Variants in HHLA1 observed in about 807,000 individuals in gnomAD.
HHLA1 encodes HHLA1 neighbor of OC90.
Under a neutral mutation model 69.9 loss-of-function variants are expected in HHLA1, and 72 were observed. That is an observed-to-expected ratio of 1.03 (90% CI 0.85 to 1.25). HHLA1 has a LOEUF of 1.25. HHLA1 is among the 50% of genes most tolerant of loss of function. The probability of loss-of-function intolerance (pLI) is 0.00; values close to 1 mark genes in which losing one functional copy is unlikely to be tolerated. For missense variants in HHLA1, 685 were observed against 642.2 expected (o/e 1.07, Z -0.72); for synonymous variants, 252 against 233.2 (o/e 1.08, Z -0.73).
At chr8:132,100,951 G>A (rs1017427194) in intron 3 of HHLA1, among the ~76,000 whole-genome samples, 2 of 152,162 alleles carry the variant, frequency 1.3e-5, no homozygotes, top group African/African-American at 4.8e-5. Flanking sequence ...GTTATACCTG[G>A]ATGGAGAAGG....
intron 7 of HHLA1, among the ~76,000 whole-genome samples, chr8:132,092,872 A>C (rs4736403): frequency 7.2e-5 from 11 of 152,146 alleles, no homozygotes; most frequent in African/African-American, 2.7e-4. Flanking sequence ...AGGCTATGAG[A>C]ACACAGATCA....
At chr8:132,101,109 C>A in intron 3 of HHLA1, 2 of 1,455,086 alleles carry the variant, frequency 1.4e-6, no homozygotes, top group Non-Finnish European at 1.8e-6. Context: ...CAATAGGTAC[C>A]AGCAGGATGG....
rs1046612283 is a variant in HHLA1, at chr8:132,079,931, G to T, written c.712C>A (p.Pro238Thr). The T allele has an allele frequency of 3.9e-6, 6 of 1,552,212 alleles. No individual in the cohort carries two copies. The highest frequency in any genetic ancestry group is 3.5e-6 in the Non-Finnish European group (4 of 1,147,132). The change falls in exon 11 of 17, where the codon CCC becomes ACC. Residue 238 changes from proline to threonine, a missense_variant. Physicochemically the swap from Pro to Thr is conservative, Grantham distance 38. Coordinates refer to ENST00000414222, the MANE Select transcript of HHLA1 (RefSeq NM_001145095.3). Reference protein sequence around the residue: ...ATRGTARTSKPTTKSQKTLPS... With the variant: ...ATRGTARTSKTTTKSQKTLPS... The stretch of plus-strand genomic sequence containing the variant: ...AGTGTTTTCTGGCTTTTGGTTGTGG[G>T]CTTTGAAGTCCTGGCAGTTCCCCTG...
intron 4 of HHLA1, among the ~76,000 whole-genome samples, chr8:132,099,858 A>G (rs1038525052): frequency 2.6e-5 from 4 of 152,226 alleles, no homozygotes; most frequent in African/African-American, 9.7e-5. Flanking sequence ...CCATCTAAAA[A>G]AAAAAAAAGA....
At chr8:132,108,117 C>A (rs1470898724) in intron 1 of HHLA1, among the ~76,000 whole-genome samples, 1 of 152,180 alleles carries the variant, frequency 6.6e-6, no homozygotes, top group Non-Finnish European at 1.5e-5. Flanking sequence ...TGGAGGACTG[C>A]CTAGGTTTAT....
intron 14 of HHLA1, among the ~76,000 whole-genome samples, chr8:132,071,884 A>G (rs1374850539): frequency 1.3e-5 from 2 of 151,844 alleles, no homozygotes; most frequent in African/African-American, 4.8e-5. Context: ...AGTACAGGGG[A>G]TATGAGGTAT....
At chr8:132,065,701 T>C (rs1823425119) in intron 16 of HHLA1, among the ~76,000 whole-genome samples, 185 bp downstream of exon 16, 1 of 152,194 alleles carries the variant, frequency 6.6e-6, no homozygotes, top group Non-Finnish European at 1.5e-5. Flanking sequence ...CTTGACCTTA[T>C]TGCAAACATC....
intron 14 of HHLA1, among the ~76,000 whole-genome samples, chr8:132,072,414 T>C (rs753993162): frequency 1.3e-5 from 2 of 151,968 alleles, no homozygotes; most frequent in African/African-American, 4.8e-5. Context: ...AAACAAACAA[T>C]AAATAATAGC....
Position 132,084,576 on chromosome 8 carries a change from G to A in HHLA1, c.676+3077C>T, listed in dbSNP as rs181416231. On this transcript the variant is annotated intron_variant, in intron 10 of 16. Coordinates refer to ENST00000414222, the MANE Select transcript of HHLA1 (RefSeq NM_001145095.3). The stretch of plus-strand genomic sequence containing the variant: ...TTTCTGGCTATTTGGAACTACTGTC[G>A]AGTTTGTACTGGGGTCAAGCGGCAT... 1.6e-3 allele frequency among the ~76,000 whole-genome samples: 247 copies of A among 152,234 alleles called. 1 individual carries two copies. Among genetic ancestry groups the A allele is most frequent in the African/African-American group, 5.7e-3 (235 of 41,554 alleles).
chr8:132,080,530 C>T lies in HHLA1; in HGVS notation c.677-564G>A, dbSNP rs545643466. On this transcript the variant is annotated intron_variant, in intron 10 of 16. Transcript: ENST00000414222. ...TAATGTCATCAGTTAAGGCAAGGACCAGCCATTTACACTTCTTTTGTGGTG... is the reference window on the plus strand; with the variant it reads ...TAATGTCATCAGTTAAGGCAAGGACTAGCCATTTACACTTCTTTTGTGGTG... 1.2e-4 allele frequency: 26 copies of T among 210,030 alleles called. 1 individual carries two copies. Among genetic ancestry groups the T allele is most frequent in the Admixed American group, 3.9e-4 (7 of 18,100 alleles). The allele number at this position is 210,030 out of a possible 1,614,324, so 13.0% of individuals were successfully genotyped here.
chr8:132,083,526 G>C (rs537391561), intron 10 of HHLA1, among the ~76,000 whole-genome samples: 3 of 152,328 alleles, frequency 2.0e-5, no homozygotes, highest in Non-Finnish European at 2.9e-5. Flanking sequence ...AGAAGATCTG[G>C]GAAGGAGTCA....
Position 132,079,939 on chromosome 8 carries a change from G to A in HHLA1, c.704C>T (p.Thr235Ile), listed in dbSNP as rs1458154572. Residue 235 changes from threonine to isoleucine, a missense_variant, in exon 11 of 17, where the codon ACT (threonine) becomes ATT (isoleucine). Thr to Ile is a moderately conservative substitution (Grantham distance 89). Transcript: ENST00000414222. ...CTGGCTTTTGGTTGTGGGCTTTGAA[G>A]TCCTGGCAGTTCCCCTGGTAGCTGC... Reference protein sequence around the residue: ...LGAATRGTARTSKPTTKSQKT... With the variant: ...LGAATRGTARISKPTTKSQKT... 1 of 1,552,334 alleles carries A rather than the reference G, an allele frequency of 6.4e-7. No homozygotes were observed. Among genetic ancestry groups the A allele is most frequent in the Non-Finnish European group, 8.7e-7 (1 of 1,147,130 alleles).
At chr8:132,072,331 T>C (rs1823561050) in intron 14 of HHLA1, among the ~76,000 whole-genome samples, 1 of 152,180 alleles carries the variant, frequency 6.6e-6, no homozygotes, top group Non-Finnish European at 1.5e-5. Flanking sequence ...ATCCCTATCA[T>C]ATAGAATGAC....
rs574011006 is a variant in HHLA1 at position 132,085,126 on chromosome 8, A to G, written c.676+2527T>C. Among the ~76,000 whole-genome samples the G allele has an allele frequency of 6.0e-3, 915 of 152,294 alleles. 6 individuals carry two copies. The highest frequency in any genetic ancestry group is 0.021 in the African/African-American group (882 of 41,548). ...CTAAGGGTGAAGGACCAAGGCAGGC[A>G]TCCCTGCGTGGTCTGACACCCTTGA... On this transcript the variant is annotated intron_variant, in intron 10 of 16. Coordinates refer to ENST00000414222, the MANE Select transcript of HHLA1 (RefSeq NM_001145095.3).
intron 7 of HHLA1, among the ~76,000 whole-genome samples, chr8:132,092,227 A>T (rs1823958077): frequency 6.6e-6 from 1 of 152,200 alleles, no homozygotes. Flanking sequence ...TCAAATTTTA[A>T]TTGGGAACGT....
rs556581351 is a variant in HHLA1, at chr8:132,101,406, T to C, written c.140-1272A>G. 13 of 1,247,296 alleles carry C rather than the reference T, an allele frequency of 1.0e-5. No homozygotes were observed. In the Admixed American group the frequency reaches 1.5e-4, roughly 15 times the overall value. 77.3% of individuals were successfully genotyped at this position (1,247,296 alleles called of 1,614,324 possible). On this transcript the variant is annotated intron_variant, in intron 3 of 16. Transcript: ENST00000414222. ...ACTGAAATCCCCAAACTTGATTTGATGTACCTAAATTTGATGTACCATATT... is the reference window on the plus strand; with the variant it reads ...ACTGAAATCCCCAAACTTGATTTGACGTACCTAAATTTGATGTACCATATT...
Position 132,077,710 on chromosome 8 carries a change from G to C in HHLA1, c.1171+16C>G, listed in dbSNP as rs979062628. ...AATTTAAAACGGGAGAGGTAGAAGT[G>C]AGCACCCTCTCTTACCCAAGGTAGG... On this transcript the variant is annotated intron_variant, in intron 12 of 16. Coordinates refer to ENST00000414222, the MANE Select transcript of HHLA1 (RefSeq NM_001145095.3). 6.5e-7 allele frequency: 1 copy of C among 1,550,046 alleles called. No individual in the cohort carries two copies. Among genetic ancestry groups the C allele is most frequent in the Non-Finnish European group, 8.7e-7 (1 of 1,145,752 alleles).
At chr8:132,094,836 G>A (rs1343105279) in intron 7 of HHLA1, among the ~76,000 whole-genome samples, 1 of 152,150 alleles carries the variant, frequency 6.6e-6, no homozygotes, top group Admixed American at 6.5e-5. Context: ...AGAGTGCATG[G>A]GTCATAGTGC....
chr8:132,109,076 C>T (rs1275228518), intron 1 of HHLA1, among the ~76,000 whole-genome samples: 3 of 152,194 alleles, frequency 2.0e-5, no homozygotes, highest in African/African-American at 7.2e-5. Flanking sequence ...GGCACGATCT[C>T]GGCATACTGC....
Sources: allele counts gnomAD v4.1 joint callset (sites outside exome capture counted in the v4.1 genomes callset), GRCh38; gene constraint gnomAD v4.1.1; transcripts MANE v1.5; gene names NCBI Gene and HGNC (gene_info 2026-07-23, HGNC 2026-07-21).